Variants in AFG1L observed in about 807,000 individuals in gnomAD.
AFG1L encodes AFG1 like ATPase.
AFG1L carries 53 observed loss-of-function variants against 62.2 expected under a neutral mutation model. That is an observed-to-expected ratio of 0.85 (90% CI 0.68 to 1.07). The LOEUF (loss-of-function observed/expected upper bound fraction) is 1.07, where lower values mean the gene tolerates loss of function less well. Ranked by LOEUF, AFG1L falls within the 50% of genes least tolerant of loss-of-function variation. The pLI, the probability that AFG1L is intolerant of heterozygous loss-of-function variation, is 0.00. For missense variants in AFG1L, 555 were observed against 590.5 expected (o/e 0.94, Z 0.62); for synonymous variants, 228 against 210.3 (o/e 1.08, Z -0.73).
chr6:108,355,861 C>T, intron 4 of AFG1L, 106 bp downstream of exon 4: 1 of 782,686 alleles, frequency 1.3e-6, no homozygotes, highest in Non-Finnish European at 2.1e-6. Context: ...TTTTTGCTTG[C>T]AGTAAGATTT....
chr6:108,397,056 T>C (rs899303026), intron 6 of AFG1L, among the ~76,000 whole-genome samples: 2 of 152,148 alleles, frequency 1.3e-5, no homozygotes, highest in African/African-American at 4.8e-5. Flanking sequence ...TGAGACAAAG[T>C]CTTGCTCTGT....
intron 10 of AFG1L, among the ~76,000 whole-genome samples, chr6:108,509,320 C>T (rs1774542082): frequency 6.6e-6 from 1 of 152,208 alleles, no homozygotes; most frequent in African/African-American, 2.4e-5. Context: ...TTCTGGAGCT[C>T]TCATCTGCTC....
intron 6 of AFG1L, among the ~76,000 whole-genome samples, chr6:108,373,725 C>T (rs542054404): frequency 1.4e-4 from 20 of 145,712 alleles, no homozygotes; most frequent in Admixed American, 9.9e-4. Flanking sequence ...TACAGGCATG[C>T]GCCACCATGC....
intron 11 of AFG1L, among the ~76,000 whole-genome samples, chr6:108,512,739 T>G (rs988217821): frequency 6.6e-6 from 1 of 152,120 alleles, no homozygotes; most frequent in African/African-American, 2.4e-5. Flanking sequence ...AAAGAATTTT[T>G]CTGGCAATAT....
intron 6 of AFG1L, among the ~76,000 whole-genome samples, chr6:108,399,708 G>C (rs1428018061): frequency 7.3e-6 from 1 of 136,348 alleles, no homozygotes; most frequent in Non-Finnish European, 1.6e-5. Context: ...ACTGGGCATG[G>C]TGTCATGTGC....
At chr6:108,307,632 A>G (rs1012575254) in intron 1 of AFG1L, among the ~76,000 whole-genome samples, 3 of 152,294 alleles carry the variant, frequency 2.0e-5, no homozygotes, top group African/African-American at 7.2e-5. Context: ...CCTATATAGT[A>G]CTGCTATGAA....
chr6:108,323,712 C>A, intron 1 of AFG1L, 113 bp from the exon 2 acceptor site: 1 of 679,806 alleles, frequency 1.5e-6, no homozygotes. Context: ...AAAAACTGCT[C>A]CAATAGATAT....
chr6:108,338,275 G>C (rs1778545483), intron 2 of AFG1L, among the ~76,000 whole-genome samples: 1 of 152,094 alleles, frequency 6.6e-6, no homozygotes, highest in Non-Finnish European at 1.5e-5. Flanking sequence ...CTTTGTCTTA[G>C]TTTTGCCATC....
At chr6:108,460,258 A>G (rs1772401930) in intron 8 of AFG1L, among the ~76,000 whole-genome samples, 1 of 152,002 alleles carries the variant, frequency 6.6e-6, no homozygotes, top group African/African-American at 2.4e-5. Context: ...AATAAATAAG[A>G]AAAAGAGAGA....
intron 12 of AFG1L, chr6:108,521,312 C>T (rs1019592767): frequency 5.3e-5 from 8 of 152,136 alleles, no homozygotes; most frequent in Non-Finnish European, 7.3e-5. Context: ...TGGTGAAACA[C>T]CCATTTCTAC....
chr6:108,418,692 T>C (rs1770444554), intron 7 of AFG1L, among the ~76,000 whole-genome samples: 1 of 152,190 alleles, frequency 6.6e-6, no homozygotes, highest in African/African-American at 2.4e-5. Context: ...TTGAGAAATA[T>C]CAGCTTTGTT....
At chr6:108,494,375 C>A (rs1413972628) in intron 10 of AFG1L, among the ~76,000 whole-genome samples, 1 of 151,976 alleles carries the variant, frequency 6.6e-6, no homozygotes, top group African/African-American at 2.4e-5. Context: ...GTGTACCCTC[C>A]TCTAGTTTGT....
chr6:108,368,829 A>G (rs893469584), intron 6 of AFG1L, among the ~76,000 whole-genome samples: 1 of 152,236 alleles, frequency 6.6e-6, no homozygotes, highest in African/African-American at 2.4e-5. Context: ...GGAGGGATTA[A>G]GGAATGTTTT....
chr6:108,426,918 AT>A (rs1429735483), intron 7 of AFG1L, among the ~76,000 whole-genome samples: 2 of 151,832 alleles, frequency 1.3e-5, no homozygotes, highest in African/African-American at 2.4e-5. Flanking sequence ...CTTTTCAAGC[AT>A]TTTTCTTTAC....
At chr6:108,421,511 A>C (rs1770588409) in intron 7 of AFG1L, among the ~76,000 whole-genome samples, 1 of 152,044 alleles carries the variant, frequency 6.6e-6, no homozygotes, top group Non-Finnish European at 1.5e-5. Flanking sequence ...GAAGAAAAAA[A>C]CCCTAGTGGT....
intron 6 of AFG1L, among the ~76,000 whole-genome samples, chr6:108,380,033 G>A (rs538956686): frequency 2.6e-5 from 4 of 151,644 alleles, no homozygotes; most frequent in South Asian, 2.1e-4. Flanking sequence ...GAGGGCCCCC[G>A]TGCACCAAGA....
chr6:108,493,131 T>G (rs2114856130), intron 10 of AFG1L, among the ~76,000 whole-genome samples: 1 of 152,328 alleles, frequency 6.6e-6, no homozygotes, highest in Middle Eastern at 3.4e-3. Context: ...AGGATTGGCC[T>G]GAAGCTAAAC....
At chr6:108,370,204 C>T (rs951130254) in intron 6 of AFG1L, among the ~76,000 whole-genome samples, 4 of 152,014 alleles carry the variant, frequency 2.6e-5, no homozygotes, top group Non-Finnish European at 2.9e-5. Flanking sequence ...CTAAGAGAAA[C>T]GCTAAGCCAC....
chr6:108,321,148 G>T (rs1777798346), intron 1 of AFG1L, among the ~76,000 whole-genome samples: 2 of 152,130 alleles, frequency 1.3e-5, no homozygotes, highest in African/African-American at 4.8e-5. Context: ...TGCAAATGGG[G>T]TATACAGGCT....
Sources: allele counts gnomAD v4.1 joint callset (sites outside exome capture counted in the v4.1 genomes callset), GRCh38; gene constraint gnomAD v4.1.1; transcripts MANE v1.5; gene names NCBI Gene and HGNC (gene_info 2026-07-23, HGNC 2026-07-21).